COMMD10: variants seen among roughly 807,000 people sequenced by gnomAD.
COMMD10 encodes the protein COMM domain containing 10, also known as COMM domain-containing protein 10.
A neutral mutation model predicts 28.9 loss-of-function variants in COMMD10; 33 were observed. The observed-to-expected ratio is 1.14, with a 90% CI of 0.87 to 1.53. The LOEUF (loss-of-function observed/expected upper bound fraction) is 1.53, where lower values mean the gene tolerates loss of function less well. Among genes scored for constraint, COMMD10 ranks in the 40% most tolerant of loss-of-function variants. COMMD10 has a pLI of 0.00. For synonymous variants in COMMD10, 110 were observed against 81.7 expected (o/e 1.35, Z -1.87); for missense variants, 310 against 233.4 (o/e 1.33, Z -2.14).
intron 5 of COMMD10, among the ~76,000 whole-genome samples, chr5:116,288,678 C>T (rs548712944): frequency 6.6e-6 from 1 of 151,760 alleles, no homozygotes; most frequent in South Asian, 2.1e-4. Context: ...AACTTGTCTG[C>T]AAGTTCACTG....
intron 5 of COMMD10, among the ~76,000 whole-genome samples, chr5:116,251,264 CTTTTTATTT>C (rs1198308747): frequency 8.2e-6 from 1 of 122,048 alleles, no homozygotes; most frequent in Non-Finnish European, 1.8e-5. Flanking sequence ...AGACTCTTTT[CTTTTTATTT>C]ATTTATTTAT....
intron 5 of COMMD10, among the ~76,000 whole-genome samples, chr5:116,236,351 A>G (rs185270605): frequency 1.3e-5 from 2 of 152,078 alleles, no homozygotes; most frequent in African/African-American, 4.8e-5. Flanking sequence ...TAAAAGTACA[A>G]AAATTAGCTG....
chr5:116,251,257 CTCTTT>C lies in COMMD10; in HGVS notation c.511-40253_511-40249del, dbSNP rs568497633. Among the ~76,000 whole-genome samples the C allele has an allele frequency of 4.7e-3, 667 of 141,100 alleles. 5 individuals are homozygous for C. Among genetic ancestry groups the C allele is most frequent in the African/African-American group, 0.016 (625 of 39,352 alleles). The allele number at this position is 141,100 out of a possible 152,430, so 92.6% of individuals were successfully genotyped here. A position where few individuals can be genotyped will look rare whatever the true frequency, so the allele number is the denominator to read the frequency against. ...CAGATTTTTCAAAAATTAAAGCAGACTCTTTTCTTTTTATTTATTTATTTATTTAT... is the reference window on the plus strand; with the variant it reads ...CAGATTTTTCAAAAATTAAAGCAGACTCTTTTTATTTATTTATTTATTTAT... On this transcript the variant is annotated intron_variant, in intron 5 of 6. Transcript: ENST00000274458.
chr5:116,257,836 A>G (rs1750333568), intron 5 of COMMD10, among the ~76,000 whole-genome samples: 1 of 151,800 alleles, frequency 6.6e-6, no homozygotes, highest in Non-Finnish European at 1.5e-5. Context: ...ATGTGCCTAC[A>G]AGGTAAAGAT....
chr5:116,203,113 A>G (rs960444392), intron 5 of COMMD10, among the ~76,000 whole-genome samples: 1 of 152,164 alleles, frequency 6.6e-6, no homozygotes, highest in Non-Finnish European at 1.5e-5. Context: ...ATGGCTAGCC[A>G]GTTTTCCCAG....
At chr5:116,117,762 G>A (rs761462472) in intron 4 of COMMD10, among the ~76,000 whole-genome samples, 1 of 151,908 alleles carries the variant, frequency 6.6e-6, no homozygotes, top group Non-Finnish European at 1.5e-5. Flanking sequence ...CACCACACCT[G>A]GCCTGATTTT....
At chr5:116,170,822 T>C (rs1229223771) in intron 5 of COMMD10, among the ~76,000 whole-genome samples, 5 of 152,132 alleles carry the variant, frequency 3.3e-5, no homozygotes, top group South Asian at 2.1e-4. Flanking sequence ...TTACACCTTA[T>C]ATAAAAATTA....
intron 5 of COMMD10, among the ~76,000 whole-genome samples, chr5:116,190,023 A>G (rs533636563): frequency 2.0e-5 from 3 of 152,194 alleles, no homozygotes; most frequent in Non-Finnish European, 4.4e-5. Flanking sequence ...TATGTGACCT[A>G]TGCCTAAGCA....
chr5:116,101,897 T>A (rs887876906), intron 4 of COMMD10, among the ~76,000 whole-genome samples: 3 of 152,218 alleles, frequency 2.0e-5, no homozygotes, highest in African/African-American at 4.8e-5. Context: ...GCCCACTTTT[T>A]AATGGGATTA....
chr5:116,125,055 T>A (rs1013843040), intron 4 of COMMD10, among the ~76,000 whole-genome samples: 2 of 152,186 alleles, frequency 1.3e-5, no homozygotes, highest in Non-Finnish European at 2.9e-5. Flanking sequence ...CCATTTACAT[T>A]TAACGTTAAT....
intron 5 of COMMD10, among the ~76,000 whole-genome samples, chr5:116,162,560 A>T (rs556250704): frequency 6.6e-6 from 1 of 152,216 alleles, no homozygotes; most frequent in Non-Finnish European, 1.5e-5. Context: ...ATATATCTAT[A>T]TATGTACATA....
chr5:116,280,744 C>G (rs867799754), intron 5 of COMMD10, among the ~76,000 whole-genome samples: 4 of 151,728 alleles, frequency 2.6e-5, no homozygotes, highest in Middle Eastern at 6.8e-3. Flanking sequence ...AACAATGATG[C>G]TTAGTAAAGA....
chr5:116,261,110 C>T (rs1750431100), intron 5 of COMMD10, among the ~76,000 whole-genome samples: 1 of 151,716 alleles, frequency 6.6e-6, no homozygotes, highest in African/African-American at 2.4e-5. Flanking sequence ...TTGAAAAGTG[C>T]ACCTGCATCC....
chr5:116,147,122 C>T (rs1330725495), intron 5 of COMMD10, among the ~76,000 whole-genome samples: 2 of 151,756 alleles, frequency 1.3e-5, no homozygotes. Flanking sequence ...CCAGCACCAT[C>T]GGTTCTGTGT....
intron 5 of COMMD10, among the ~76,000 whole-genome samples, chr5:116,204,872 C>G (rs77285160): frequency 6.6e-6 from 1 of 152,080 alleles, no homozygotes; most frequent in Non-Finnish European, 1.5e-5. Flanking sequence ...AGGTTCCCAT[C>G]GCAATTTTAG....
intron 5 of COMMD10, among the ~76,000 whole-genome samples, chr5:116,146,785 CTATA>C (rs1752363809): frequency 6.6e-6 from 1 of 151,724 alleles, no homozygotes; most frequent in South Asian, 2.1e-4. Context: ...ATACTTGTAA[CTATA>C]TATTTCTCAG....
intron 5 of COMMD10, among the ~76,000 whole-genome samples, chr5:116,181,229 G>A (rs10077013): frequency 0.5 from 76,517 of 151,722 alleles, 21,908 homozygotes; most frequent in Non-Finnish European, 0.65. Context: ...GTACTTCTCT[G>A]TTGGATTACA....
At chr5:116,215,715 T>C (rs1240225292) in intron 5 of COMMD10, among the ~76,000 whole-genome samples, 2 of 145,422 alleles carry the variant, frequency 1.4e-5, no homozygotes, top group African/African-American at 5.0e-5. Flanking sequence ...TATATATATA[T>C]ATATATATAT....
intron 5 of COMMD10, among the ~76,000 whole-genome samples, chr5:116,241,708 GTTCTCGCCATTC>G (rs1389318360): frequency 6.6e-6 from 1 of 151,976 alleles, no homozygotes; most frequent in African/African-American, 2.4e-5. Flanking sequence ...CGCCTCCCGG[GTTCTCGCCATTC>G]TTCTGCCTTA....
Sources: gnomAD v4.1 joint callset for allele counts (sites outside exome capture counted in the v4.1 genomes callset) on GRCh38, gnomAD v4.1.1 for gene constraint, MANE v1.5 for transcripts, NCBI Gene and HGNC (gene_info 2026-07-23, HGNC 2026-07-21) for gene names.